TAF1A: variants seen among roughly 807,000 people sequenced by gnomAD.
The protein encoded by TAF1A is TATA-box binding protein associated factor, RNA polymerase I subunit A.
Under a neutral mutation model 61.6 loss-of-function variants are expected in TAF1A, and 42 were observed. That is an observed-to-expected ratio of 0.68 (90% CI 0.53 to 0.88). The LOEUF (loss-of-function observed/expected upper bound fraction) is 0.88, where lower values mean the gene tolerates loss of function less well. TAF1A is among the 40% of genes least tolerant of loss of function. The pLI is 0.00. For synonymous variants in TAF1A, 179 were observed against 177.7 expected (o/e 1.01, Z -0.06); for missense variants, 424 against 518.7 (o/e 0.82, Z 1.77).
At chr1:222,568,248 T>C (rs1431525422) in intron 7 of TAF1A, among the ~76,000 whole-genome samples, 1 of 147,452 alleles carries the variant, frequency 6.8e-6, no homozygotes, top group Non-Finnish European at 1.5e-5. Context: ...CAAAAAGCAC[T>C]AACCATAAAA....
At chr1:222,583,426 G>GAAAAAAAA (rs71175170) in intron 3 of TAF1A, among the ~76,000 whole-genome samples, 1 of 148,748 alleles carries the variant, frequency 6.7e-6, no homozygotes, top group Non-Finnish European at 1.5e-5. Context: ...TTGATAAAAC[G>GAAAAAAAA]AAAAAAAAAA....
chr1:222,577,514 T>C lies in TAF1A; in HGVS notation c.535A>G (p.Ile179Val). Reference sequence around the variant, plus strand: ...TGTAAAAGCCCTTTATAGGCCTGAATAAGGTTGATTAATATTTCCCGGGAA... The same window carrying C: ...TGTAAAAGCCCTTTATAGGCCTGAACAAGGTTGATTAATATTTCCCGGGAA... ...TSSREILINL[I>V]QAYKGLLQYY... The change falls in exon 5 of 11, where the codon ATT (isoleucine) becomes GTT (valine). Residue 179 changes from isoleucine to valine, a missense_variant. Physicochemically the swap from Ile to Val is conservative, Grantham distance 29 (BLOSUM62 3). Coordinates refer to ENST00000352967, the MANE Select transcript of TAF1A (RefSeq NM_005681.4). 2 of 1,613,990 alleles carry C rather than the reference T, an allele frequency of 1.2e-6. No homozygotes were observed. The highest frequency in any genetic ancestry group is 1.7e-6 in the Non-Finnish European group (2 of 1,179,914).
At chr1:222,564,211 C>A in intron 7 of TAF1A, 86 bp from the exon 8 acceptor site, 1 of 741,406 alleles carries the variant, frequency 1.3e-6, no homozygotes. Context: ...AAAGTTCTTA[C>A]TGTCTAATAT....
At chr1:222,575,122 G>A (rs907965701) in intron 5 of TAF1A, among the ~76,000 whole-genome samples, 1 of 152,078 alleles carries the variant, frequency 6.6e-6, no homozygotes, top group African/African-American at 2.4e-5. Flanking sequence ...ACCAAACAGA[G>A]GCACTGGTAT....
chr1:222,581,370 A>AT lies in TAF1A; in HGVS notation c.292-1499dup, dbSNP rs779514598. 2.6e-4 allele frequency among the ~76,000 whole-genome samples: 39 copies of AT among 151,714 alleles called. 1 individual carries two copies. In the South Asian group the frequency reaches 7.3e-3, roughly 28 times the overall value. ...ACTTTTTTTTCAGCTTCTCTTTTTT[A>AT]TTTTTTTTGCTCTAGAAGATAACTA... is the stretch of plus-strand genomic sequence containing the variant. On this transcript the variant is annotated intron_variant, in intron 3 of 10. Coordinates refer to ENST00000352967, the MANE Select transcript of TAF1A (RefSeq NM_005681.4).
chr1:222,584,745 A>T (rs1167537481), intron 2 of TAF1A, among the ~76,000 whole-genome samples: 2 of 152,232 alleles, frequency 1.3e-5, no homozygotes, highest in African/African-American at 4.8e-5. Context: ...TAGTAACTCA[A>T]TGATATTATA....
At chr1:222,583,223 G>C (rs1660862809) in intron 3 of TAF1A, among the ~76,000 whole-genome samples, 2 of 152,072 alleles carry the variant, frequency 1.3e-5, no homozygotes, top group African/African-American at 4.8e-5. Flanking sequence ...TAATAGATTA[G>C]TGGCTGCCAG....
rs559457011 is a variant in TAF1A at position 222,574,940 on chromosome 1, T to C, written c.604+2505A>G. Reference sequence around the variant, plus strand: ...ATTTTAGGTTAGGGTGACAGTATTTTGTGTTTCTTAATCTGGGTGGTGGTT... The same window carrying C: ...ATTTTAGGTTAGGGTGACAGTATTTCGTGTTTCTTAATCTGGGTGGTGGTT... On this transcript the variant is annotated intron_variant, in intron 5 of 10. Transcript: ENST00000352967. Among the ~76,000 whole-genome samples, 4 of 152,286 alleles carry C rather than the reference T, an allele frequency of 2.6e-5. No individual in the cohort carries two copies. In the South Asian group the frequency reaches 8.3e-4, roughly 32 times the overall value.
intron 7 of TAF1A, among the ~76,000 whole-genome samples, chr1:222,565,139 T>A (rs1417457983): frequency 1.3e-5 from 2 of 152,254 alleles, no homozygotes; most frequent in Non-Finnish European, 2.9e-5. Flanking sequence ...TGAAAAAGTC[T>A]TAGTCATGAG....
chr1:222,577,706 C>T, intron 4 of TAF1A, 63 bp from the exon 5 acceptor site: 2 of 1,430,294 alleles, frequency 1.4e-6, no homozygotes, highest in African/African-American at 1.4e-5. Context: ...TCAAAAAGCT[C>T]AGTAAATATA....
At position 222,579,750 on chromosome 1, in the gene TAF1A, T is replaced by C. The variant is rs781271022; in HGVS notation, c.405+9A>G. ...TGCAAGTGTAAATTCACAAAGCCCA[T>C]ATTCTCACCTTTAAATAATTCATGA... is the stretch of plus-strand genomic sequence containing the variant. On this transcript the variant is annotated intron_variant, in intron 4 of 10. Transcript: ENST00000352967. 1 of 1,601,772 alleles carries C rather than the reference T, an allele frequency of 6.2e-7. No individual in the cohort carries two copies. The highest frequency in any genetic ancestry group is 1.8e-5 in the Admixed American group (1 of 56,816).
At chr1:222,554,727 T>G (rs1371476012), downstream of TAF1A, among the ~76,000 whole-genome samples, 3 of 152,182 alleles carry the variant, frequency 2.0e-5, no homozygotes, top group Non-Finnish European at 4.4e-5. Flanking sequence ...CCATCCCATT[T>G]TACAGAATAA....
intron 5 of TAF1A, among the ~76,000 whole-genome samples, chr1:222,576,150 C>A (rs1305692441): frequency 2.0e-5 from 3 of 152,074 alleles, no homozygotes; most frequent in Non-Finnish European, 2.9e-5. Context: ...GCTGAACATG[C>A]AGCTGATATA....
chr1:222,583,733 G>T (rs1323204756), intron 3 of TAF1A, among the ~76,000 whole-genome samples: 3 of 151,792 alleles, frequency 2.0e-5, no homozygotes, highest in African/African-American at 7.3e-5. Context: ...AGCTACTCAG[G>T]AGGCTGAGGC....
At chr1:222,577,277 C>T (rs1411403367) in intron 5 of TAF1A, among the ~76,000 whole-genome samples, 168 bp downstream of exon 5, 5 of 152,114 alleles carry the variant, frequency 3.3e-5, no homozygotes, top group African/African-American at 1.2e-4. Context: ...ATGATTGAAG[C>T]TTTTTATATA....
At chr1:222,576,367 A>C (rs1660572755) in intron 5 of TAF1A, among the ~76,000 whole-genome samples, 1 of 152,254 alleles carries the variant, frequency 6.6e-6, no homozygotes, top group South Asian at 2.1e-4. Flanking sequence ...ACCACTTATC[A>C]CATAAGGATA....
In TAF1A at chr1:222,570,473, G is replaced by C. The variant is rs931088042; in HGVS notation, c.735+62C>G. The C allele has an allele frequency of 4.9e-6, 7 of 1,415,812 alleles. No homozygotes were observed. The African/African-American group carries it at 1.0e-4, about 20-fold the overall frequency. 87.7% of individuals were successfully genotyped at this position (1,415,812 alleles called of 1,614,324 possible). Reference sequence around the variant, plus strand: ...TTTCTGATCAATAAAGATTAGGCATGCAGTCTTTGTATAGGCTTTTGACAA... The same window carrying C: ...TTTCTGATCAATAAAGATTAGGCATCCAGTCTTTGTATAGGCTTTTGACAA... On this transcript the variant is annotated intron_variant, in intron 6 of 10. Transcript: ENST00000352967.
At chr1:222,556,102 T>C (rs1047604697), downstream of TAF1A, among the ~76,000 whole-genome samples, 1 of 152,128 alleles carries the variant, frequency 6.6e-6, no homozygotes, top group African/African-American at 2.4e-5. Flanking sequence ...CATCTGGTTA[T>C]GGATTACAGA....
Position 222,588,486 on chromosome 1 carries a change from T to A in TAF1A, c.78A>T (p.Ala26=). Residue 26 remains alanine (A), a synonymous_variant, in exon 2 of 11, where the codon GCA becomes GCT. Transcript: ENST00000352967. ...TTTGAAGCCAAGGAAAATGCATTCC[T>A]GCACCACTGAGCACAGATGTTTCCA... ...EEVETSVLSG[A]GMHFPWLQTY... The A allele has an allele frequency of 6.2e-7, 1 of 1,614,072 alleles. No homozygotes were observed. The highest frequency in any genetic ancestry group is 8.5e-7 in the Non-Finnish European group (1 of 1,179,992).
Sources: gnomAD v4.1 joint callset for allele counts (sites outside exome capture counted in the v4.1 genomes callset) on GRCh38, gnomAD v4.1.1 for gene constraint, MANE v1.5 for transcripts, NCBI Gene and HGNC (gene_info 2026-07-23, HGNC 2026-07-21) for gene names.